The following RAB3IP variants were observed in gnomAD, a reference collection of about 807,000 sequenced individuals.
RAB3IP encodes rab-3A-interacting protein.
RAB3IP carries 36 observed loss-of-function variants against 59.1 expected under a neutral mutation model. That is an observed-to-expected ratio of 0.61 (90% CI 0.47 to 0.80). RAB3IP has a LOEUF of 0.80. RAB3IP is among the 30% of genes least tolerant of loss of function. RAB3IP has a pLI of 0.00. For synonymous variants in RAB3IP, 207 were observed against 191.2 expected (o/e 1.08, Z -0.68); for missense variants, 511 against 536.0 (o/e 0.95, Z 0.46).
intron 8 of RAB3IP, among the ~76,000 whole-genome samples, chr12:69,810,596 G>A (rs1352236375): frequency 1.3e-5 from 2 of 151,744 alleles, no homozygotes; most frequent in African/African-American, 4.8e-5. Context: ...ACAACTGAAG[G>A]CCTAGAAACA....
At chr12:69,791,233 C>T (rs1031691961) in intron 4 of RAB3IP, among the ~76,000 whole-genome samples, 1 of 152,076 alleles carries the variant, frequency 6.6e-6, no homozygotes, top group Non-Finnish European at 1.5e-5. Flanking sequence ...AAACTGTAAA[C>T]TCAGAAGAAA....
chr12:69,763,433 C>T (rs534684929), intron 3 of RAB3IP, among the ~76,000 whole-genome samples: 1 of 152,264 alleles, frequency 6.6e-6, no homozygotes, highest in East Asian at 1.9e-4. Context: ...AAATTGTTGC[C>T]ATGACCCTTG....
At chr12:69,738,700 T>C (rs1886910049), upstream of RAB3IP, 1 of 152,144 alleles carries the variant, frequency 6.6e-6, no homozygotes, top group Non-Finnish European at 1.5e-5. Context: ...CCGTGACACC[T>C]GCGACGAGCC....
chr12:69,813,080 A>G, intron 10 of RAB3IP, 47 bp downstream of exon 10: 3 of 1,407,112 alleles, frequency 2.1e-6, no homozygotes, highest in Non-Finnish European at 2.0e-6. Context: ...AAGTTCAGCA[A>G]AAAGTATAAG....
At chr12:69,752,828 C>A (rs762345480) in intron 1 of RAB3IP, among the ~76,000 whole-genome samples, 66 of 152,102 alleles carry the variant, frequency 4.3e-4, no homozygotes, top group Non-Finnish European at 3.2e-4. Context: ...GGTTAGTGTA[C>A]TTGCCTGAAC....
At chr12:69,793,163 G>A (rs1235705307) in intron 4 of RAB3IP, among the ~76,000 whole-genome samples, 1 of 151,930 alleles carries the variant, frequency 6.6e-6, no homozygotes, top group African/African-American at 2.4e-5. Flanking sequence ...AGCTCTTAAG[G>A]ACTTTGCCAA....
At chr12:69,760,737 A>G (rs1464297768) in intron 3 of RAB3IP, among the ~76,000 whole-genome samples, 4 of 152,074 alleles carry the variant, frequency 2.6e-5, no homozygotes, top group African/African-American at 7.2e-5. Context: ...AGTGTTTTCA[A>G]GCATGTACAT....
At chr12:69,792,995 A>G (rs2136225806) in intron 4 of RAB3IP, among the ~76,000 whole-genome samples, 1 of 152,322 alleles carries the variant, frequency 6.6e-6, no homozygotes, top group Middle Eastern at 3.4e-3. Flanking sequence ...TTAAAGTTAA[A>G]ATGTTACTTA....
intron 8 of RAB3IP, among the ~76,000 whole-genome samples, chr12:69,811,103 G>T (rs374677849): frequency 6.6e-4 from 101 of 152,286 alleles, no homozygotes; most frequent in African/African-American, 2.3e-3. Context: ...GGAGCTGGAG[G>T]CCGTTATCCT....
In RAB3IP at chr12:69,796,492, T is replaced by C. The variant is rs890030179; in HGVS notation, c.888+1148T>C. ...TTCTTCTTAGAAGCCATCTTTTACA[T>C]TGTTAAATTCAAGTCCATCATTAAT... On this transcript the variant is annotated intron_variant, in intron 6 of 10. Coordinates refer to ENST00000247833, the MANE Select transcript of RAB3IP (RefSeq NM_022456.5). 9.3e-6 allele frequency: 4 copies of C among 431,390 alleles called. No homozygotes were observed. The South Asian group carries it at 2.6e-4, about 28-fold the overall frequency. 26.7% of individuals were successfully genotyped at this position (431,390 alleles called of 1,614,324 possible). A position where few individuals can be genotyped will look rare whatever the true frequency, so the allele number is the denominator to read the frequency against.
intron 2 of RAB3IP, among the ~76,000 whole-genome samples, chr12:69,756,150 T>G (rs1870179436): frequency 6.6e-6 from 1 of 152,248 alleles, no homozygotes; most frequent in South Asian, 2.1e-4. Context: ...CCCCTGCTCT[T>G]GAGTAGCACT....
chr12:69,808,152 A>C (rs1414108914), intron 8 of RAB3IP, among the ~76,000 whole-genome samples: 1 of 152,148 alleles, frequency 6.6e-6, no homozygotes, highest in Non-Finnish European at 1.5e-5. Context: ...TTATGTACCC[A>C]GTAGTCATTC....
chr12:69,747,498 C>T (rs1028789879), intron 1 of RAB3IP, among the ~76,000 whole-genome samples: 1 of 152,116 alleles, frequency 6.6e-6, no homozygotes, highest in Non-Finnish European at 1.5e-5. Flanking sequence ...GATGGGGTCT[C>T]GCTATGTTGC....
intron 1 of RAB3IP, among the ~76,000 whole-genome samples, chr12:69,748,960 T>G (rs1343700149): frequency 6.6e-6 from 1 of 152,150 alleles, no homozygotes; most frequent in African/African-American, 2.4e-5. Flanking sequence ...CAAAATAATC[T>G]CCTTTTCAGA....
intron 4 of RAB3IP, among the ~76,000 whole-genome samples, chr12:69,791,213 A>G (rs1273682903): frequency 6.6e-6 from 1 of 152,220 alleles, no homozygotes; most frequent in East Asian, 1.9e-4. Flanking sequence ...AGACTTACAC[A>G]TAAGACCTGA....
At chr12:69,780,036 G>C (rs77624821) in intron 3 of RAB3IP, among the ~76,000 whole-genome samples, 1 of 152,164 alleles carries the variant, frequency 6.6e-6, no homozygotes, top group Non-Finnish European at 1.5e-5. Context: ...GACTGCTGCA[G>C]CCATTTCAGC....
chr12:69,810,334 A>C (rs1477300327), intron 8 of RAB3IP, among the ~76,000 whole-genome samples: 1 of 151,992 alleles, frequency 6.6e-6, no homozygotes, highest in Non-Finnish European at 1.5e-5. Flanking sequence ...CAGTTAGGCT[A>C]CTCGGGGGTC....
chr12:69,812,409 A>G (rs537864203), intron 8 of RAB3IP: 6 of 185,940 alleles, frequency 3.2e-5, no homozygotes, highest in African/African-American at 1.2e-4. Context: ...TGAGACTTGA[A>G]CAGTCATCAT....
intron 4 of RAB3IP, among the ~76,000 whole-genome samples, chr12:69,789,561 G>A (rs1364464478): frequency 2.0e-5 from 3 of 152,080 alleles, no homozygotes; most frequent in Non-Finnish European, 4.4e-5. Flanking sequence ...AAAAATAGAA[G>A]AGGGAACCCT....
Sources: gnomAD v4.1 joint callset for allele counts (sites outside exome capture counted in the v4.1 genomes callset) on GRCh38, gnomAD v4.1.1 for gene constraint, MANE v1.5 for transcripts, NCBI Gene and HGNC (gene_info 2026-07-23, HGNC 2026-07-21) for gene names.